DLC1: variants seen among roughly 807,000 people sequenced by gnomAD.
DLC1 encodes the protein rho GTPase-activating protein 7.
Under a neutral mutation model 140.3 loss-of-function variants are expected in DLC1, and 54 were observed. The observed-to-expected ratio is 0.38, with a 90% CI of 0.31 to 0.48. The LOEUF (loss-of-function observed/expected upper bound fraction) is 0.48, where lower values mean the gene tolerates loss of function less well. Ranked by LOEUF, DLC1 falls within the 20% of genes least tolerant of loss-of-function variation. The probability of loss-of-function intolerance (pLI) is 0.96; values close to 1 mark genes in which losing one functional copy is unlikely to be tolerated. For missense variants in DLC1, 2,536 were observed against 1,907.0 expected, an observed-to-expected ratio of 1.33 and a Z score of -6.14; for synonymous variants, 986 against 728.1, an observed-to-expected ratio of 1.35 and a Z score of -5.70.
rs78015347 is a variant in DLC1, at chr8:13,383,760, T to C, written c.1314+9793A>G. ...ACATGAGAATGCTCAAGCATTCCCATTGAGAAAAATGACATAGAGAAGAGC... is the reference window on the plus strand; with the variant it reads ...ACATGAGAATGCTCAAGCATTCCCACTGAGAAAAATGACATAGAGAAGAGC... On this transcript the variant is annotated intron_variant, in intron 4 of 17. Coordinates refer to ENST00000276297, the MANE Select transcript of DLC1 (RefSeq NM_182643.3). Among the ~76,000 whole-genome samples the C allele has an allele frequency of 7.8e-3, 1,181 of 152,276 alleles. 30 individuals carry two copies. The highest frequency in any genetic ancestry group is 0.027 in the African/African-American group (1,109 of 41,548).
intron 2 of DLC1, among the ~76,000 whole-genome samples, chr8:13,413,256 ATTTT>A (rs58038503): frequency 7.3e-5 from 6 of 82,020 alleles, no homozygotes; most frequent in South Asian, 4.9e-4. Context: ...TTTTTTTGCG[ATTTT>A]TTTTTTTTTT....
At chr8:13,449,388 C>T (rs930681801) in intron 2 of DLC1, among the ~76,000 whole-genome samples, 2 of 152,128 alleles carry the variant, frequency 1.3e-5, no homozygotes, top group East Asian at 1.9e-4. Context: ...GGGATAATTA[C>T]CTCTTTCAAA....
intron 4 of DLC1, among the ~76,000 whole-genome samples, chr8:13,391,377 G>A (rs544242068): frequency 2.0e-4 from 31 of 152,150 alleles, no homozygotes; most frequent in Admixed American, 3.9e-4. Flanking sequence ...GATACTACTC[G>A]CATCCAATTT....
chr8:13,502,528 C>T (rs534055634), intron 1 of DLC1, among the ~76,000 whole-genome samples: 24 of 152,160 alleles, frequency 1.6e-4, no homozygotes, highest in Non-Finnish European at 3.4e-4. Context: ...ATAGTTAAAT[C>T]TGTCTCTATG....
chr8:13,085,965 A>T (rs780108612), intron 17 of DLC1, 34 bp from the exon 18 acceptor site: 33 of 1,607,730 alleles, frequency 2.1e-5, no homozygotes, highest in Non-Finnish European at 4.2e-6. Flanking sequence ...CTGATGAATT[A>T]TTTAAGTTAG....
At chr8:13,462,208 C>T (rs138736547) in intron 2 of DLC1, among the ~76,000 whole-genome samples, 61 of 152,200 alleles carry the variant, frequency 4.0e-4, no homozygotes, top group African/African-American at 1.1e-3. Flanking sequence ...TCTATCCAAA[C>T]TCATTCAAGA....
chr8:13,459,903 A>G (rs1799580699), intron 2 of DLC1, among the ~76,000 whole-genome samples: 1 of 152,202 alleles, frequency 6.6e-6, no homozygotes, highest in Non-Finnish European at 1.5e-5. Flanking sequence ...TGGCCTGGTG[A>G]CACGCCCTCA....
At chr8:13,355,529 C>G (rs1053682158) in intron 4 of DLC1, among the ~76,000 whole-genome samples, 16 of 152,184 alleles carry the variant, frequency 1.1e-4, no homozygotes, top group Non-Finnish European at 1.5e-4. Flanking sequence ...CAGGTGGCCC[C>G]TCTCTGGTGG....
chr8:13,288,724 T>C lies in DLC1; in HGVS notation c.1348+16545A>G, dbSNP rs147024846. 3.9e-5 allele frequency among the ~76,000 whole-genome samples: 6 copies of C among 152,282 alleles called. No individual in the cohort carries two copies. The East Asian group carries it at 1.2e-3, about 29-fold the overall frequency. On this transcript the variant is annotated intron_variant, in intron 5 of 17. Transcript: ENST00000276297. ...ACAGGAGAGGCGGCCCCTATCAACG[T>C]CACTAGTTCCTGCCCCTTTCCCCCT...
At chr8:13,351,727 T>C (rs1325788157) in intron 4 of DLC1, among the ~76,000 whole-genome samples, 1 of 152,190 alleles carries the variant, frequency 6.6e-6, no homozygotes, top group Non-Finnish European at 1.5e-5. Context: ...TATCTGATCC[T>C]TTATAGAAAA....
rs7010071 is a variant in DLC1 at position 13,362,029 on chromosome 8, C to A, written c.1314+31524G>T. Among the ~76,000 whole-genome samples, 437 of 152,308 alleles carry A rather than the reference C, an allele frequency of 2.9e-3. 3 individuals carry two copies. The highest frequency in any genetic ancestry group is 0.01 in the African/African-American group (422 of 41,572). ...AGTGGAGTCAAAGAGCAGCCAGACA[C>A]AATAGATGTCAACCACTAAACTTGA... On this transcript the variant is annotated intron_variant, in intron 4 of 17. Coordinates refer to ENST00000276297, the MANE Select transcript of DLC1 (RefSeq NM_182643.3).
intron 1 of DLC1, among the ~76,000 whole-genome samples, chr8:13,562,371 A>G (rs767054589): frequency 1.6e-4 from 24 of 152,162 alleles, no homozygotes; most frequent in Admixed American, 4.6e-4. Flanking sequence ...TGAGAATTGA[A>G]AAGAAAAAAA....
intron 8 of DLC1, 116 bp downstream of exon 8, chr8:13,102,674 T>C: frequency 2.2e-6 from 2 of 911,900 alleles, no homozygotes; most frequent in Non-Finnish European, 3.6e-6. Flanking sequence ...AAGATGTAGA[T>C]GCTTACGGAA....
At chr8:13,111,435 A>G (rs1455130048) in intron 6 of DLC1, among the ~76,000 whole-genome samples, 2 of 152,244 alleles carry the variant, frequency 1.3e-5, no homozygotes, top group African/African-American at 2.4e-5. Context: ...TGAAGTTGCT[A>G]TAGAACAACA....
At chr8:13,170,786 T>A (rs559100139) in intron 5 of DLC1, among the ~76,000 whole-genome samples, 2 of 151,078 alleles carry the variant, frequency 1.3e-5, no homozygotes, top group South Asian at 4.2e-4. Flanking sequence ...AAATGTGAGC[T>A]AACATTATTT....
intron 5 of DLC1, among the ~76,000 whole-genome samples, chr8:13,239,675 G>C (rs1364712533): frequency 2.0e-5 from 3 of 152,278 alleles, no homozygotes; most frequent in African/African-American, 2.4e-5. Flanking sequence ...GACCTCAAGA[G>C]GGAGATAATC....
chr8:13,252,908 A>G (rs1830073818), intron 5 of DLC1, among the ~76,000 whole-genome samples: 1 of 152,212 alleles, frequency 6.6e-6, no homozygotes, highest in African/African-American at 2.4e-5. Flanking sequence ...GAAAACATTA[A>G]GTTTTATCAA....
chr8:13,585,793 CA>C (rs1805284935), intron 1 of DLC1, among the ~76,000 whole-genome samples: 1 of 152,118 alleles, frequency 6.6e-6, no homozygotes, highest in Non-Finnish European at 1.5e-5. Context: ...TATCCCTATC[CA>C]AATTTTCCCT....
intron 5 of DLC1, among the ~76,000 whole-genome samples, chr8:13,180,385 C>T (rs1272436679): frequency 6.6e-6 from 1 of 152,070 alleles, no homozygotes; most frequent in African/African-American, 2.4e-5. Context: ...TCCCAAATAT[C>T]AAAGAAACAT....
Sources: allele counts gnomAD v4.1 joint callset (sites outside exome capture counted in the v4.1 genomes callset), GRCh38; gene constraint gnomAD v4.1.1; transcripts MANE v1.5; gene names NCBI Gene and HGNC (gene_info 2026-07-23, HGNC 2026-07-21).